Variants in GREM2 observed in about 807,000 individuals in gnomAD.
GREM2 encodes the protein gremlin 2, DAN family BMP antagonist.
In GREM2, 11 loss-of-function variants were observed where a neutral mutation model predicts 14.2. The observed-to-expected ratio is 0.78, with a 90% CI of 0.49 to 1.28. The LOEUF (loss-of-function observed/expected upper bound fraction) is 1.28. Ranked by LOEUF, GREM2 falls within the 50% of genes most tolerant of loss-of-function variation. The pLI, the probability that GREM2 is intolerant of heterozygous loss-of-function variation, is 0.00. For missense variants in GREM2, 210 were observed against 218.5 expected (o/e 0.96, Z 0.24); for synonymous variants, 98 against 97.6 (o/e 1.00, Z -0.02).
intron 1 of GREM2, among the ~76,000 whole-genome samples, chr1:240,580,736 T>G (rs1281461952): frequency 6.6e-6 from 1 of 151,982 alleles, no homozygotes; most frequent in Non-Finnish European, 1.5e-5. Flanking sequence ...CCACACCCAA[T>G]TATATTTTAA....
At chr1:240,596,653 T>C (rs1679823809) in intron 1 of GREM2, among the ~76,000 whole-genome samples, 1 of 151,118 alleles carries the variant, frequency 6.6e-6, no homozygotes, top group African/African-American at 2.4e-5. Flanking sequence ...GCTGAGATTG[T>C]GCCATTGCAC....
At chr1:240,538,701 G>A (rs545203900) in intron 1 of GREM2, among the ~76,000 whole-genome samples, 3 of 152,174 alleles carry the variant, frequency 2.0e-5, no homozygotes, top group South Asian at 4.2e-4. Flanking sequence ...CAGCCTGGGC[G>A]ACATAGCCAG....
At chr1:240,553,467 G>A (rs11584605) in intron 1 of GREM2, among the ~76,000 whole-genome samples, 1 of 152,082 alleles carries the variant, frequency 6.6e-6, no homozygotes, top group South Asian at 2.1e-4. Context: ...TGTCAGATGC[G>A]TAAAAATCTC....
Position 240,504,703 on chromosome 1 carries a change from T to A in GREM2, c.-1-11227A>T, listed in dbSNP as rs187705907. On this transcript the variant is annotated intron_variant, in intron 1 of 1. Coordinates refer to ENST00000318160, the MANE Select transcript of GREM2 (RefSeq NM_022469.4). ...AGTTCCTTTTGCAAGTCAGGCTGTT[T>A]CCCATAATTTTCTTTAAACCAAAAT... Among the ~76,000 whole-genome samples, 128 of 152,340 alleles carry A rather than the reference T, an allele frequency of 8.4e-4. 1 individual carries two copies. Among genetic ancestry groups the A allele is most frequent in the African/African-American group, 2.8e-3 (115 of 41,580 alleles).
At chr1:240,510,644 A>G (rs1156257565) in intron 1 of GREM2, among the ~76,000 whole-genome samples, 1 of 152,216 alleles carries the variant, frequency 6.6e-6, no homozygotes, top group Non-Finnish European at 1.5e-5. Flanking sequence ...GTTTCACCTC[A>G]ATTAAAAGAA....
At chr1:240,503,609 C>A (rs148958014) in intron 1 of GREM2, among the ~76,000 whole-genome samples, 17 of 152,302 alleles carry the variant, frequency 1.1e-4, no homozygotes, top group African/African-American at 3.8e-4. Flanking sequence ...TTACCTTACA[C>A]CTTATGCTTG....
At chr1:240,582,159 C>T (rs1035772836) in intron 1 of GREM2, among the ~76,000 whole-genome samples, 20 of 152,156 alleles carry the variant, frequency 1.3e-4, no homozygotes, top group Non-Finnish European at 2.4e-4. Flanking sequence ...TTAGGATGGC[C>T]GGGCTCGATG....
chr1:240,493,485 G>C lies in GREM2; in HGVS notation c.-1-9C>G. On this transcript the variant is annotated splice_polypyrimidine_tract_variant and intron_variant, in intron 1 of 1. Coordinates refer to ENST00000318160, the MANE Select transcript of GREM2 (RefSeq NM_022469.4). ...AAAGCTTCCAGAACATCCTGCAAAC[G>C]AGAAAAGAGAGGGGCTGGCTGTGAA... 1 of 1,593,000 alleles carries C rather than the reference G, an allele frequency of 6.3e-7. No individual in the cohort carries two copies. Among genetic ancestry groups the C allele is most frequent in the Middle Eastern group, 1.7e-4 (1 of 5,936 alleles).
intron 1 of GREM2, among the ~76,000 whole-genome samples, chr1:240,501,721 G>A (rs1677572837): frequency 6.6e-6 from 1 of 152,118 alleles, no homozygotes; most frequent in Non-Finnish European, 1.5e-5. Flanking sequence ...AGCTGCCCAT[G>A]TTGTGACCCC....
intron 1 of GREM2, among the ~76,000 whole-genome samples, chr1:240,526,642 A>G (rs1678228806): frequency 1.3e-5 from 2 of 152,144 alleles, no homozygotes; most frequent in Non-Finnish European, 2.9e-5. Context: ...TCTGACCCCC[A>G]TCTGTCTTTG....
At chr1:240,570,281 G>A (rs1010922806) in intron 1 of GREM2, among the ~76,000 whole-genome samples, 10 of 152,064 alleles carry the variant, frequency 6.6e-5, no homozygotes, top group Non-Finnish European at 1.0e-4. Context: ...GGCCAACATG[G>A]TGAAACCCTG....
At chr1:240,571,751 G>C (rs1248909338) in intron 1 of GREM2, among the ~76,000 whole-genome samples, 2 of 152,146 alleles carry the variant, frequency 1.3e-5, no homozygotes, top group African/African-American at 2.4e-5. Context: ...TTTCTTATCT[G>C]GCATGTATGG....
intron 1 of GREM2, among the ~76,000 whole-genome samples, chr1:240,565,857 A>AC (rs1679168771): frequency 6.6e-6 from 1 of 151,604 alleles, no homozygotes; most frequent in African/African-American, 2.4e-5. Context: ...AAAAAAAAAA[A>AC]AAAAACAAAA....
At chr1:240,517,902 T>C (rs1677987070) in intron 1 of GREM2, among the ~76,000 whole-genome samples, 2 of 152,240 alleles carry the variant, frequency 1.3e-5, no homozygotes, top group Admixed American at 6.5e-5. Context: ...AATTCCTTGC[T>C]TTTTTATAAT....
chr1:240,600,232 T>G (rs1025813553), intron 1 of GREM2, among the ~76,000 whole-genome samples: 1 of 146,140 alleles, frequency 6.8e-6, no homozygotes, highest in Admixed American at 6.9e-5. Flanking sequence ...CGAGATTACG[T>G]GTTTTCCTTT....
intron 1 of GREM2, among the ~76,000 whole-genome samples, chr1:240,509,769 C>A (rs140078619): frequency 2.0e-5 from 3 of 152,072 alleles, no homozygotes; most frequent in Admixed American, 6.6e-5. Context: ...ACTTAAGAAG[C>A]GGAAGAGAAT....
chr1:240,557,952 G>C (rs944597351), intron 1 of GREM2, among the ~76,000 whole-genome samples: 1 of 152,172 alleles, frequency 6.6e-6, no homozygotes, highest in Non-Finnish European at 1.5e-5. Context: ...TACTAATCTA[G>C]AGAAAACAAA....
At chr1:240,531,383 A>G (rs1052686359) in intron 1 of GREM2, among the ~76,000 whole-genome samples, 7 of 152,256 alleles carry the variant, frequency 4.6e-5, no homozygotes, top group Non-Finnish European at 7.3e-5. Context: ...GCACAGTACA[A>G]GCTAGACAGA....
intron 1 of GREM2, among the ~76,000 whole-genome samples, chr1:240,524,746 T>C (rs992625140): frequency 6.6e-6 from 1 of 152,348 alleles, no homozygotes; most frequent in African/African-American, 2.4e-5. Flanking sequence ...TGTTTATTTT[T>C]TGATGACCTT....
Sources: allele counts gnomAD v4.1 joint callset (sites outside exome capture counted in the v4.1 genomes callset), GRCh38; gene constraint gnomAD v4.1.1; transcripts MANE v1.5; gene names NCBI Gene and HGNC (gene_info 2026-07-23, HGNC 2026-07-21).